Variants in CDCP1 observed in about 807,000 individuals in gnomAD.
CDCP1 encodes CUB domain-containing protein 1.
In CDCP1, 29 loss-of-function variants were observed where a neutral mutation model predicts 60.2. The ratio of observed to expected loss-of-function variants is 0.48; its 90% CI spans 0.36 to 0.66. The LOEUF (loss-of-function observed/expected upper bound fraction) is 0.66. CDCP1 is among the 30% of genes least tolerant of loss of function. CDCP1 has a pLI of 0.00. For missense variants in CDCP1, 876 were observed against 1,074.3 expected (o/e 0.82, Z 2.58); for synonymous variants, 387 against 431.1 (o/e 0.90, Z 1.27).
chr3:45,125,216 G>A (rs770437725), intron 1 of CDCP1, among the ~76,000 whole-genome samples: 2 of 152,222 alleles, frequency 1.3e-5, no homozygotes, highest in Non-Finnish European at 1.5e-5. Flanking sequence ...CCACTCTGGG[G>A]AGTTTGATTT....
intron 1 of CDCP1, among the ~76,000 whole-genome samples, chr3:45,134,185 T>C (rs947796027): frequency 5.9e-5 from 9 of 151,698 alleles, no homozygotes; most frequent in African/African-American, 9.7e-5. Flanking sequence ...AGTGCAGTGG[T>C]GCGATCTATG....
Position 45,091,361 on chromosome 3 carries a change from C to G in CDCP1, c.1805G>C (p.Gly602Ala). Residue 602 changes from glycine (G) to alanine (A), a missense_variant, in exon 7 of 9, where the codon GGG becomes GCG. Gly to Ala is a moderately conservative substitution (Grantham distance 60, BLOSUM62 0). Around this residue, in one of 2 missense-constraint regions of CDCP1, gnomAD observed 726 missense variants for 935.7 expected, o/e 0.78. Coordinates refer to ENST00000296129, the MANE Select transcript of CDCP1 (RefSeq NM_022842.5). The surrounding 1 kb of genome is among the most constrained non-coding windows in gnomAD (Gnocchi z 4.8). The part of the protein sequence containing the change: ...KERSGVVCQT[G>A]RAFMIIQEQR... The stretch of plus-strand genomic sequence containing the variant: ...CTCCTGGATGATCATGAATGCGCGC[C>G]CTGTCTGGCAGACCACGCCGCTCCG... 3 of 1,614,152 alleles carry G rather than the reference C, an allele frequency of 1.9e-6. No homozygotes were observed. The highest frequency in any genetic ancestry group is 2.5e-6 in the Non-Finnish European group (3 of 1,180,030).
chr3:45,146,107 C>T lies in CDCP1; in HGVS notation c.82+99G>A, dbSNP rs1576130220. ...CGCCCTCTCTCCGCACCCTCCGCAC[C>T]CTCCGCACCCTGCGTCCCTCGGCCG... On this transcript the variant is annotated intron_variant, in intron 1 of 8. Transcript: ENST00000296129. The T allele has an allele frequency of 4.4e-6, 5 of 1,141,566 alleles. No individual in the cohort carries two copies. In the East Asian group the frequency reaches 1.2e-4, roughly 28 times the overall value. 70.7% of individuals were successfully genotyped at this position (1,141,566 alleles called of 1,614,324 possible).
intron 1 of CDCP1, among the ~76,000 whole-genome samples, chr3:45,140,637 G>C (rs1376186483): frequency 1.3e-5 from 2 of 152,146 alleles, no homozygotes; most frequent in Admixed American, 1.3e-4. Context: ...CTACTAACAG[G>C]AAGTTAGTAA....
chr3:45,087,936 C>A (rs924417601), intron 8 of CDCP1, among the ~76,000 whole-genome samples: 1 of 151,578 alleles, frequency 6.6e-6, no homozygotes, highest in Non-Finnish European at 1.5e-5. Context: ...GCAGGGGAAT[C>A]GCTTGAACCC....
chr3:45,109,014 A>G (rs895676732), intron 4 of CDCP1, among the ~76,000 whole-genome samples: 34 of 142,462 alleles, frequency 2.4e-4, no homozygotes, highest in Admixed American at 2.9e-4. Flanking sequence ...CAGTGGCCCA[A>G]TCTCGGTTCA....
In CDCP1 at chr3:45,113,690, G is replaced by A. The variant is rs544518982; in HGVS notation, c.293-1245C>T. ...GGGCTGGCACTTGCAGCAAGTACAC[G>A]GCAATTCCAGATCCCAGGACGAAAG... On this transcript the variant is annotated intron_variant, in intron 2 of 8. Coordinates refer to ENST00000296129, the MANE Select transcript of CDCP1 (RefSeq NM_022842.5). Among the ~76,000 whole-genome samples the A allele has an allele frequency of 3.3e-5, 5 of 152,266 alleles. 1 individual carries two copies. In the South Asian group the frequency reaches 6.2e-4, roughly 19 times the overall value.
intron 5 of CDCP1, among the ~76,000 whole-genome samples, chr3:45,094,510 C>T (rs191336183): frequency 8.5e-5 from 13 of 152,298 alleles, no homozygotes; most frequent in African/African-American, 3.1e-4. Context: ...ATCTGCCTGC[C>T]TCGGCCTCCC....
In CDCP1 at chr3:45,093,402, C is replaced by G. The variant is rs1200425070; in HGVS notation, c.1502G>C (p.Gly501Ala). Residue 501 changes from glycine to alanine, a missense_variant, in exon 6 of 9, where the codon GGA (glycine) becomes GCA (alanine). Coordinates refer to ENST00000296129, the MANE Select transcript of CDCP1 (RefSeq NM_022842.5). ...CACCTGGATCTGCTTGATAGAGCCT[C>G]CCGGGCAGAAGGAGCCGAAGTACAG... is the stretch of plus-strand genomic sequence containing the variant. ...QDLYFGSFCP[G>A]GSIKQIQVKQ... 6.2e-7 allele frequency: 1 copy of G among 1,614,136 alleles called. No individual in the cohort carries two copies. Among genetic ancestry groups the G allele is most frequent in the Non-Finnish European group, 8.5e-7 (1 of 1,180,034 alleles).
In CDCP1 at chr3:45,146,277, A is replaced by C; in HGVS notation, c.11T>G (p.Leu4Arg). ...CAGTGCGATAGAGACCCCGCAGTTCAGGCCGGCCATGACTCCGGGACGCCT... is the reference window on the plus strand; with the variant it reads ...CAGTGCGATAGAGACCCCGCAGTTCCGGCCGGCCATGACTCCGGGACGCCT... MAG[L>R]NCGVSIALLG... is the part of the protein sequence containing the mutation. Residue 4 changes from leucine to arginine, a missense_variant, in exon 1 of 9, where the codon CTG becomes CGG. Coordinates refer to ENST00000296129, the MANE Select transcript of CDCP1 (RefSeq NM_022842.5). 1 of 1,583,064 alleles carries C rather than the reference A, an allele frequency of 6.3e-7. No homozygotes were observed. The highest frequency in any genetic ancestry group is 8.6e-7 in the Non-Finnish European group (1 of 1,167,938).
chr3:45,127,204 T>C (rs935195270), intron 1 of CDCP1, among the ~76,000 whole-genome samples: 2 of 152,270 alleles, frequency 1.3e-5, no homozygotes, highest in African/African-American at 4.8e-5. Flanking sequence ...TTTGAAAGTA[T>C]AGTTGGAATT....
chr3:45,112,235 T>G lies in CDCP1; in HGVS notation c.503A>C (p.Asp168Ala), dbSNP rs1442079323. ...GGTTCCGATCCTGACCACGGTGGCA[T>G]CGATTCGGCCGCTGATGGAGTGAGT... is the stretch of plus-strand genomic sequence containing the variant. The part of the protein sequence containing the change: ...GVTHSISGRI[D>A]ATVVRIGTFC... Residue 168 changes from aspartate (D) to alanine (A), a missense_variant, in exon 3 of 9, where the codon GAT (aspartate) becomes GCT (alanine). Asp to Ala is a moderately radical substitution (Grantham distance 126). This residue lies in a region of CDCP1 where 726 missense variants were observed against 935.7 expected (regional missense o/e 0.78). Coordinates refer to ENST00000296129, the MANE Select transcript of CDCP1 (RefSeq NM_022842.5). 1 of 1,614,186 alleles carries G rather than the reference T, an allele frequency of 6.2e-7. No individual in the cohort carries two copies. The highest frequency in any genetic ancestry group is 8.5e-7 in the Non-Finnish European group (1 of 1,180,034).
intron 1 of CDCP1, among the ~76,000 whole-genome samples, chr3:45,142,279 C>T (rs1409431202): frequency 6.6e-6 from 1 of 152,166 alleles, no homozygotes; most frequent in Non-Finnish European, 1.5e-5. Flanking sequence ...CTACCCACTC[C>T]CCACCTCATC....
chr3:45,107,705 A>G (rs893857812), intron 4 of CDCP1, among the ~76,000 whole-genome samples: 1 of 152,228 alleles, frequency 6.6e-6, no homozygotes, highest in African/African-American at 2.4e-5. Context: ...GCCCATGGTC[A>G]AAGTAAGTGG....
At chr3:45,145,928 C>T (rs112388030) in intron 1 of CDCP1, among the ~76,000 whole-genome samples, 5,739 of 152,022 alleles carry the variant, frequency 0.038, 104 homozygotes, top group Middle Eastern at 0.1. Flanking sequence ...CTCATCCTCC[C>T]GGACCGGGAG....
chr3:45,091,277 C>G lies in CDCP1; in HGVS notation c.1889G>C (p.Ser630Thr). The G allele has an allele frequency of 6.2e-7, 1 of 1,614,040 alleles. No individual in the cohort carries two copies. Among genetic ancestry groups the G allele is most frequent in the Non-Finnish European group, 8.5e-7 (1 of 1,180,032 alleles). Reference sequence around the variant, plus strand: ...GACCCAGAAGCTGTGATGGTGGAAGCTTGGCTTGGGGAGCACATCCTCGTC... The same window carrying G: ...GACCCAGAAGCTGTGATGGTGGAAGGTTGGCTTGGGGAGCACATCCTCGTC... ...SLDEDVLPKP[S>T]FHHHSFWVNI... Residue 630 changes from serine (S) to threonine (T), a missense_variant, in exon 7 of 9, where the codon AGC becomes ACC. Ser to Thr is a moderately conservative substitution (Grantham distance 58). This residue lies in a region of CDCP1 where 726 missense variants were observed against 935.7 expected (regional missense o/e 0.78). Coordinates refer to ENST00000296129, the MANE Select transcript of CDCP1 (RefSeq NM_022842.5). This position sits in a 1 kb window ranked among gnomAD's most constrained non-coding sequence, Gnocchi z 4.8.
chr3:45,103,755 C>T (rs1429637219), intron 4 of CDCP1, among the ~76,000 whole-genome samples: 1 of 152,218 alleles, frequency 6.6e-6, no homozygotes, highest in Admixed American at 6.5e-5. Context: ...TGCCCGTTTC[C>T]CTTGCCACTC....
intron 1 of CDCP1, among the ~76,000 whole-genome samples, chr3:45,121,037 G>A (rs754700094): frequency 2.6e-5 from 4 of 152,102 alleles, no homozygotes; most frequent in Non-Finnish European, 2.9e-5. Context: ...TGATCCCCAC[G>A]AGGAGACAAA....
chr3:45,105,092 C>T (rs1325964371), intron 4 of CDCP1, among the ~76,000 whole-genome samples: 4 of 152,150 alleles, frequency 2.6e-5, no homozygotes, highest in Admixed American at 6.5e-5. Flanking sequence ...GTTTAACCCC[C>T]ACCTGCCACC....
Sources: allele counts gnomAD v4.1 joint callset (sites outside exome capture counted in the v4.1 genomes callset), GRCh38; gene constraint gnomAD v4.1.1; regional missense constraint gnomAD v4.1.1; non-coding constraint Gnocchi (gnomAD v3.1); transcripts MANE v1.5; gene names NCBI Gene and HGNC (gene_info 2026-07-23, HGNC 2026-07-21).